The following RBFOX1 variants were observed in gnomAD, a reference collection of about 807,000 sequenced individuals.
The protein encoded by RBFOX1 is RNA binding fox-1 homolog 1.
In RBFOX1, 8 loss-of-function variants were observed where a neutral mutation model predicts 57.7. That is an observed-to-expected ratio of 0.14 (90% CI 0.08 to 0.25). The LOEUF (loss-of-function observed/expected upper bound fraction) is 0.25, where lower values mean the gene tolerates loss of function less well. Among genes scored for constraint, RBFOX1 ranks in the 10% least tolerant of loss-of-function variants. The probability of loss-of-function intolerance (pLI) is 1.00; values close to 1 mark genes in which losing one functional copy is unlikely to be tolerated. For synonymous variants in RBFOX1, 326 were observed against 222.4 expected, an observed-to-expected ratio of 1.47 and a Z score of -4.15; for missense variants, 611 against 548.5, an observed-to-expected ratio of 1.11 and a Z score of -1.14.
At chr16:6,505,574 C>A (rs983109156) in intron 2 of RBFOX1, among the ~76,000 whole-genome samples, 2 of 152,072 alleles carry the variant, frequency 1.3e-5, no homozygotes, top group Non-Finnish European at 1.5e-5. Context: ...TTATGGGGTC[C>A]TGGCTTATGT....
chr16:6,289,604 T>C (rs767033473), intron 1 of RBFOX1, among the ~76,000 whole-genome samples: 10 of 152,180 alleles, frequency 6.6e-5, no homozygotes, highest in Non-Finnish European at 1.2e-4. Context: ...GTCCTCTAGC[T>C]GTCCAATATC....
intron 3 of RBFOX1, among the ~76,000 whole-genome samples, chr16:5,757,461 A>C (rs1360814196): frequency 6.6e-6 from 1 of 151,712 alleles, no homozygotes; most frequent in Non-Finnish European, 1.5e-5. Context: ...CGATCTCTTG[A>C]CCTTGTGATC....
intron 14 of RBFOX1, among the ~76,000 whole-genome samples, chr16:7,697,265 G>GAACA (rs1273132709): frequency 2.6e-5 from 4 of 152,036 alleles, no homozygotes; most frequent in African/African-American, 9.7e-5. Flanking sequence ...TTTGATGGGA[G>GAACA]AACAAACAGG....
intron 4 of RBFOX1, among the ~76,000 whole-genome samples, chr16:7,492,949 G>T (rs936485902): frequency 6.6e-6 from 1 of 152,260 alleles, no homozygotes; most frequent in African/African-American, 2.4e-5. Context: ...TGCGATCTCA[G>T]CTCACTGCAA....
At chr16:6,280,298 C>T (rs1176858305) in intron 1 of RBFOX1, among the ~76,000 whole-genome samples, 1 of 152,168 alleles carries the variant, frequency 6.6e-6, no homozygotes, top group Non-Finnish European at 1.5e-5. Flanking sequence ...TCGCTTCTCA[C>T]AACTTCTGGG....
At chr16:6,485,248 C>T (rs1034849827) in intron 2 of RBFOX1, among the ~76,000 whole-genome samples, 31 of 152,218 alleles carry the variant, frequency 2.0e-4, no homozygotes, top group Admixed American at 2.0e-3. Context: ...CGTGTGATGC[C>T]TCCCCTCTAT....
intron 14 of RBFOX1, among the ~76,000 whole-genome samples, chr16:7,684,781 A>T (rs2075699057): frequency 6.6e-6 from 1 of 152,092 alleles, no homozygotes; most frequent in South Asian, 2.1e-4. Flanking sequence ...GTGGATGACT[A>T]CTACCAAACA....
chr16:6,393,731 A>C (rs568834005), intron 2 of RBFOX1, among the ~76,000 whole-genome samples: 2 of 152,310 alleles, frequency 1.3e-5, no homozygotes, highest in African/African-American at 2.4e-5. Flanking sequence ...TTCTTTAAGG[A>C]AAGGCAAGGC....
chr16:6,309,728 C>T (rs900632896), intron 1 of RBFOX1, among the ~76,000 whole-genome samples: 2 of 151,964 alleles, frequency 1.3e-5, no homozygotes, highest in African/African-American at 2.4e-5. Flanking sequence ...GTTTGCTTCC[C>T]TACAGAGGGA....
chr16:6,521,968 C>G (rs2096508701), intron 2 of RBFOX1, among the ~76,000 whole-genome samples: 1 of 152,124 alleles, frequency 6.6e-6, no homozygotes, highest in Admixed American at 6.5e-5. Context: ...AAAAGTTCAG[C>G]TCTCACTTTT....
chr16:7,545,634 C>G (rs967326299), intron 5 of RBFOX1, among the ~76,000 whole-genome samples: 2 of 152,106 alleles, frequency 1.3e-5, no homozygotes, highest in Admixed American at 6.5e-5. Context: ...TGACCCAGTA[C>G]GTTTAGAATT....
intron 2 of RBFOX1, among the ~76,000 whole-genome samples, chr16:6,613,583 G>A (rs1025252496): frequency 1.3e-5 from 2 of 152,126 alleles, no homozygotes; most frequent in Admixed American, 6.6e-5. Context: ...TAAACATAAT[G>A]AGGTTGAAAT....
intron 4 of RBFOX1, among the ~76,000 whole-genome samples, chr16:7,266,259 G>A (rs543837725): frequency 6.6e-6 from 1 of 152,064 alleles, no homozygotes; most frequent in Non-Finnish European, 1.5e-5. Context: ...ACAGGTGTGA[G>A]CCACCGTGCC....
At chr16:6,219,007 C>T (rs2097354477) in intron 1 of RBFOX1, among the ~76,000 whole-genome samples, 1 of 152,124 alleles carries the variant, frequency 6.6e-6, no homozygotes, top group Non-Finnish European at 1.5e-5. Flanking sequence ...ATATTAGAGG[C>T]TGTTAGGTGA....
chr16:7,291,268 C>G (rs2095766787), intron 4 of RBFOX1, among the ~76,000 whole-genome samples: 1 of 152,166 alleles, frequency 6.6e-6, no homozygotes, highest in African/African-American at 2.4e-5. Flanking sequence ...GAACAGAAGA[C>G]AGACATCCTT....
At chr16:5,664,090 G>A (rs1057174004) in intron 3 of RBFOX1, among the ~76,000 whole-genome samples, 2 of 152,220 alleles carry the variant, frequency 1.3e-5, no homozygotes, top group Admixed American at 1.3e-4. Flanking sequence ...CTCGGCAGCT[G>A]CCTCTAGGCG....
chr16:6,694,362 A>G (rs149109698), intron 3 of RBFOX1, among the ~76,000 whole-genome samples: 8 of 152,306 alleles, frequency 5.3e-5, no homozygotes, highest in Admixed American at 2.0e-4. Flanking sequence ...AATTATGTAG[A>G]TTATATCCAC....
chr16:5,820,416 C>G (rs760764638), intron 3 of RBFOX1, among the ~76,000 whole-genome samples: 20 of 152,238 alleles, frequency 1.3e-4, no homozygotes, highest in Admixed American at 2.6e-4. Flanking sequence ...AGGACCATCC[C>G]GGTGACCCCG....
intron 1 of RBFOX1, among the ~76,000 whole-genome samples, chr16:6,034,435 G>T (rs750899798): frequency 1.8e-4 from 28 of 151,494 alleles, no homozygotes; most frequent in Admixed American, 1.6e-3. Context: ...CATGATCAAG[G>T]TGTGGCAAGT....
Sources: allele counts gnomAD v4.1 joint callset (sites outside exome capture counted in the v4.1 genomes callset), GRCh38; gene constraint gnomAD v4.1.1; transcripts MANE v1.5; gene names NCBI Gene and HGNC (gene_info 2026-07-23, HGNC 2026-07-21).